The following EPHA3 variants were observed in gnomAD, a reference collection of about 807,000 sequenced individuals.
The protein encoded by EPHA3 is EPH receptor A3.
In EPHA3, 42 loss-of-function variants were observed where a neutral mutation model predicts 107.1. The ratio of observed to expected loss-of-function variants is 0.39; its 90% CI spans 0.31 to 0.51. The LOEUF (loss-of-function observed/expected upper bound fraction) is 0.51, where lower values mean the gene tolerates loss of function less well. EPHA3 is among the 20% of genes least tolerant of loss of function. The pLI is 0.78. For missense variants in EPHA3, 1,183 were observed against 1,211.2 expected (o/e 0.98, Z 0.35); for synonymous variants, 461 against 424.8 (o/e 1.09, Z -1.05).
chr3:89,114,707 A>T (rs1707212816), intron 1 of EPHA3, among the ~76,000 whole-genome samples: 1 of 152,164 alleles, frequency 6.6e-6, no homozygotes, highest in African/African-American at 2.4e-5. Context: ...CGGAGAGCGA[A>T]GGTGCAAAGT....
At chr3:89,356,906 C>T (rs1486234583) in intron 5 of EPHA3, among the ~76,000 whole-genome samples, 1 of 149,798 alleles carries the variant, frequency 6.7e-6, no homozygotes, top group African/African-American at 2.4e-5. Flanking sequence ...AGATCAAAAC[C>T]ATCATGGGAA....
At chr3:89,405,096 A>G (rs1709032292) in intron 7 of EPHA3, among the ~76,000 whole-genome samples, 1 of 152,108 alleles carries the variant, frequency 6.6e-6, no homozygotes, top group Admixed American at 6.5e-5. Flanking sequence ...AGGCAGATGG[A>G]GCTGAGCCAG....
At chr3:89,173,429 A>G (rs929620792) in intron 2 of EPHA3, among the ~76,000 whole-genome samples, 2 of 152,032 alleles carry the variant, frequency 1.3e-5, no homozygotes, top group African/African-American at 4.8e-5. Context: ...TCTCAAATCC[A>G]TTGGGTGAGT....
intron 5 of EPHA3, among the ~76,000 whole-genome samples, chr3:89,389,465 CT>C (rs1032718707): frequency 1.2e-4 from 19 of 152,156 alleles, no homozygotes; most frequent in African/African-American, 4.3e-4. Flanking sequence ...ATCCTGAGCC[CT>C]TTTTGTTATT....
intron 2 of EPHA3, among the ~76,000 whole-genome samples, chr3:89,207,194 A>G (rs1473415184): frequency 6.6e-6 from 1 of 152,196 alleles, no homozygotes; most frequent in Non-Finnish European, 1.5e-5. Flanking sequence ...TAAAGGCCAA[A>G]TAAATGTCAT....
At chr3:89,123,900 C>A (rs1367142269) in intron 1 of EPHA3, among the ~76,000 whole-genome samples, 1 of 152,078 alleles carries the variant, frequency 6.6e-6, no homozygotes, top group Non-Finnish European at 1.5e-5. Flanking sequence ...ATTTGGCAAT[C>A]ACATCATTAG....
intron 5 of EPHA3, among the ~76,000 whole-genome samples, chr3:89,347,187 G>T (rs1173315802): frequency 7.2e-6 from 1 of 138,664 alleles, no homozygotes; most frequent in Non-Finnish European, 1.6e-5. Context: ...GGATGGCATT[G>T]AATCTGTAAA....
At chr3:89,214,913 A>G (rs1377940084) in intron 3 of EPHA3, among the ~76,000 whole-genome samples, 1 of 151,962 alleles carries the variant, frequency 6.6e-6, no homozygotes, top group Non-Finnish European at 1.5e-5. Context: ...TAAAATTAAA[A>G]TGCTACATCT....
At chr3:89,107,938 A>G in intron 1 of EPHA3, 102 bp downstream of exon 1, 1 of 1,116,286 alleles carries the variant, frequency 9.0e-7, no homozygotes, top group South Asian at 1.3e-5. Flanking sequence ...GTGCCTCCGA[A>G]TAGAGCAGTT....
At chr3:89,269,846 T>A (rs1223654320) in intron 3 of EPHA3, among the ~76,000 whole-genome samples, 1 of 148,288 alleles carries the variant, frequency 6.7e-6, no homozygotes, top group African/African-American at 2.5e-5. Flanking sequence ...TGACAAAAAT[T>A]TTTTTAACAA....
At chr3:89,245,435 A>C (rs1374944891) in intron 3 of EPHA3, among the ~76,000 whole-genome samples, 1 of 152,232 alleles carries the variant, frequency 6.6e-6, no homozygotes, top group Non-Finnish European at 1.5e-5. Flanking sequence ...ATCAAACCTT[A>C]TGATATGGTT....
chr3:89,180,439 A>T (rs1705416899), intron 2 of EPHA3, among the ~76,000 whole-genome samples: 1 of 152,010 alleles, frequency 6.6e-6, no homozygotes, highest in African/African-American at 2.4e-5. Flanking sequence ...TATGGTGTGT[A>T]TATTTACTGA....
rs139756647 is a variant in EPHA3 at position 89,468,364 on chromosome 3, T to C, written c.2691-4100T>C. ...CTGTTCTATTTCAATTTGTTTATAC[T>C]AATTTTCTCTAAACTCTTGTTGAGT... On this transcript the variant is annotated intron_variant, in intron 15 of 16. Coordinates refer to ENST00000336596, the MANE Select transcript of EPHA3 (RefSeq NM_005233.6). 2.0e-5 allele frequency among the ~76,000 whole-genome samples: 3 copies of C among 152,278 alleles called. No individual in the cohort carries two copies. In the East Asian group the frequency reaches 5.8e-4, roughly 29 times the overall value.
chr3:89,408,319 G>A (rs1479534619), intron 9 of EPHA3, among the ~76,000 whole-genome samples, 188 bp downstream of exon 9: 1 of 152,110 alleles, frequency 6.6e-6, no homozygotes, highest in Non-Finnish European at 1.5e-5. Context: ...ATTTTTACAT[G>A]TGTACATTTC....
intron 14 of EPHA3, among the ~76,000 whole-genome samples, chr3:89,449,587 A>G (rs1709946825): frequency 6.6e-6 from 1 of 152,240 alleles, no homozygotes; most frequent in Non-Finnish European, 1.5e-5. Context: ...GGGTTTAGAA[A>G]TAAGACAAAA....
At chr3:89,153,798 C>G (rs1704737521) in intron 2 of EPHA3, among the ~76,000 whole-genome samples, 1 of 152,018 alleles carries the variant, frequency 6.6e-6, no homozygotes, top group African/African-American at 2.4e-5. Context: ...TGATGATCCT[C>G]TAAGGTTTTC....
intron 3 of EPHA3, among the ~76,000 whole-genome samples, chr3:89,242,411 T>G (rs919935759): frequency 6.6e-5 from 10 of 152,186 alleles, no homozygotes; most frequent in Non-Finnish European, 1.5e-4. Context: ...TATTTTCTTT[T>G]TTGTTGTTGT....
At chr3:89,155,241 G>T (rs1704773333) in intron 2 of EPHA3, among the ~76,000 whole-genome samples, 1 of 151,742 alleles carries the variant, frequency 6.6e-6, no homozygotes, top group African/African-American at 2.4e-5. Flanking sequence ...TAATAGCTTA[G>T]GTACTATTTC....
At chr3:89,128,209 G>C (rs1333241840) in intron 2 of EPHA3, among the ~76,000 whole-genome samples, 1 of 152,010 alleles carries the variant, frequency 6.6e-6, no homozygotes, top group Non-Finnish European at 1.5e-5. Context: ...ACAATTTTTT[G>C]ATAGCACCAG....
Sources: gnomAD v4.1 joint callset for allele counts (sites outside exome capture counted in the v4.1 genomes callset) on GRCh38, gnomAD v4.1.1 for gene constraint, MANE v1.5 for transcripts, NCBI Gene and HGNC (gene_info 2026-07-23, HGNC 2026-07-21) for gene names.